SAMSN1: variants seen among roughly 807,000 people sequenced by gnomAD.
The protein encoded by SAMSN1 is SAM domain, SH3 domain and nuclear localization signals 1.
SAMSN1 carries 31 observed loss-of-function variants against 42.0 expected under a neutral mutation model. That is an observed-to-expected ratio of 0.74 (90% confidence interval 0.55 to 1.00). SAMSN1 has a LOEUF of 1.00. Among genes scored for constraint, SAMSN1 ranks in the 50% least tolerant of loss-of-function variants. The pLI, the probability that SAMSN1 is intolerant of heterozygous loss-of-function variation, is 0.00. For missense variants in SAMSN1, 464 were observed against 439.4 expected, an observed-to-expected ratio of 1.06 and a Z score of -0.50; for synonymous variants, 178 against 151.9, an observed-to-expected ratio of 1.17 and a Z score of -1.26.
chr21:14,589,788 C>A (rs1170692260), intron 7 of SAMSN1, among the ~76,000 whole-genome samples: 1 of 152,032 alleles, frequency 6.6e-6, no homozygotes, highest in African/African-American at 2.4e-5. Flanking sequence ...CAAAACAAAG[C>A]AGAAAACCCT....
intron 2 of SAMSN1, among the ~76,000 whole-genome samples, chr21:14,639,677 A>C (rs1983547737): frequency 6.6e-6 from 1 of 152,160 alleles, no homozygotes; most frequent in African/African-American, 2.4e-5. Context: ...ACTAAAATAG[A>C]TACAGAATCA....
intron 1 of SAMSN1, among the ~76,000 whole-genome samples, chr21:14,537,206 A>G (rs538221614): frequency 6.6e-6 from 1 of 152,160 alleles, no homozygotes; most frequent in African/African-American, 2.4e-5. Flanking sequence ...CACACCAGAG[A>G]CAGTCCCATT....
At chr21:14,555,809 C>A (rs1382690812) in intron 2 of SAMSN1, among the ~76,000 whole-genome samples, 1 of 152,134 alleles carries the variant, frequency 6.6e-6, no homozygotes, top group African/African-American at 2.4e-5. Flanking sequence ...CCTCATTTGG[C>A]AGAAAGGCAA....
At chr21:14,650,409 A>G (rs926248593) in intron 1 of SAMSN1, among the ~76,000 whole-genome samples, 2 of 152,200 alleles carry the variant, frequency 1.3e-5, no homozygotes, top group African/African-American at 4.8e-5. Context: ...CAACATGGAA[A>G]TTAAACAATA....
intron 1 of SAMSN1, among the ~76,000 whole-genome samples, chr21:14,538,071 T>A (rs1282171097): frequency 6.6e-6 from 1 of 152,246 alleles, no homozygotes; most frequent in Non-Finnish European, 1.5e-5. Flanking sequence ...ATGCTATAAA[T>A]GCTACATAAA....
At position 14,570,391 on chromosome 21, in the gene SAMSN1, A is replaced by G. The variant is rs192715250; in HGVS notation, c.261+11745T>C. ...TTTGTAGAAACAATGGCCTATGTCC[A>G]AGTGGAATCAGGGGAGGCAAATGGA... On this transcript the variant is annotated intron_variant, in intron 2 of 8. Coordinates refer to the SAMSN1 transcript ENST00000285670. Among the ~76,000 whole-genome samples, 230 of 152,306 alleles carry G rather than the reference A, an allele frequency of 1.5e-3. 2 individuals are homozygous for G. Among genetic ancestry groups the G allele is most frequent in the Non-Finnish European group, 1.6e-4 (11 of 68,020 alleles).
rs1333935160 is a variant in SAMSN1 at position 14,512,312 on chromosome 21, A to C, written c.409+132T>G. ...AACAATAGCAACTCTATATAGATTTAATATATCTTACATTTTTACCATTTC... is the reference window on the plus strand; with the variant it reads ...AACAATAGCAACTCTATATAGATTTCATATATCTTACATTTTTACCATTTC... On this transcript the variant is annotated intron_variant, in intron 4 of 7. Coordinates refer to ENST00000400566, the MANE Select transcript of SAMSN1 (RefSeq NM_022136.5). 3 of 890,746 alleles carry C rather than the reference A, an allele frequency of 3.4e-6. No homozygotes were observed. The African/African-American group carries it at 5.0e-5, about 15-fold the overall frequency. 55.2% of individuals were successfully genotyped at this position (890,746 alleles called of 1,614,324 possible).
At chr21:14,612,616 G>A (rs1391192217) in intron 4 of SAMSN1, 2 of 544,428 alleles carry the variant, frequency 3.7e-6, no homozygotes, top group South Asian at 3.1e-5. Context: ...TGGAAGATGA[G>A]CAGCCAATGA....
intron 7 of SAMSN1, among the ~76,000 whole-genome samples, chr21:14,497,187 A>G (rs1245802644): frequency 6.6e-6 from 1 of 152,250 alleles, no homozygotes; most frequent in Non-Finnish European, 1.5e-5. Context: ...TGAGGGCGGT[A>G]GTGTCTAACT....
chr21:14,510,830 GC>G (rs1987659754), intron 4 of SAMSN1, among the ~76,000 whole-genome samples: 1 of 152,124 alleles, frequency 6.6e-6, no homozygotes, highest in Non-Finnish European at 1.5e-5. Flanking sequence ...TGTACCAAAG[GC>G]CATTTTGAGG....
At chr21:14,549,113 T>A (rs1266332636), upstream of SAMSN1, among the ~76,000 whole-genome samples, 9 of 152,140 alleles carry the variant, frequency 5.9e-5, no homozygotes, top group African/African-American at 2.2e-4. Context: ...TTCGGGAAAG[T>A]AAGGTGAGCC....
intron 2 of SAMSN1, among the ~76,000 whole-genome samples, chr21:14,572,718 C>G (rs531599315): frequency 6.6e-6 from 1 of 152,054 alleles, no homozygotes; most frequent in East Asian, 1.9e-4. Flanking sequence ...AGCTGTTAAA[C>G]CCTTACTTTT....
At chr21:14,535,813 C>T (rs1243591922) in intron 1 of SAMSN1, among the ~76,000 whole-genome samples, 2 of 152,148 alleles carry the variant, frequency 1.3e-5, no homozygotes, top group African/African-American at 2.4e-5. Context: ...CTGTGAAACC[C>T]ACCCTGCCAG....
intron 2 of SAMSN1, among the ~76,000 whole-genome samples, chr21:14,556,887 T>C (rs1294520105): frequency 1.6e-4 from 24 of 152,204 alleles, no homozygotes; most frequent in Non-Finnish European, 1.5e-5. Context: ...AAGAAAGATC[T>C]GGTTTTGTCA....
intron 2 of SAMSN1, among the ~76,000 whole-genome samples, chr21:14,569,180 G>A (rs1981210888): frequency 6.6e-6 from 1 of 151,958 alleles, no homozygotes; most frequent in African/African-American, 2.4e-5. Context: ...CTATAGTCCT[G>A]TCTACTTGGG....
At position 14,487,760 on chromosome 21, in the gene SAMSN1, T is replaced by C. The variant is rs189471101; in HGVS notation, c.920-1646A>G. Reference sequence around the variant, plus strand: ...ATGCCATTCTTCTGAATCTTCACATTTGCCCCACAATTTTAACTATAGATT... The same window carrying C: ...ATGCCATTCTTCTGAATCTTCACATCTGCCCCACAATTTTAACTATAGATT... On this transcript the variant is annotated intron_variant, in intron 7 of 7. Coordinates refer to ENST00000400566, the MANE Select transcript of SAMSN1 (RefSeq NM_022136.5). Among the ~76,000 whole-genome samples, 13 of 152,322 alleles carry C rather than the reference T, an allele frequency of 8.5e-5. No homozygotes were observed. The East Asian group carries it at 2.3e-3, about 27-fold the overall frequency.
upstream of SAMSN1, chr21:14,583,546 G>A (rs1395157557): frequency 5.0e-6 from 3 of 603,238 alleles, no homozygotes; most frequent in Non-Finnish European, 6.0e-6. Context: ...AATCCTCAAT[G>A]TTTAATGATT....
Position 14,500,666 on chromosome 21 carries a change from C to A in SAMSN1, c.631G>T (p.Val211Leu), listed in dbSNP as rs1469261896. The change falls in exon 6 of 8, where the codon GTG becomes TTG. Residue 211 changes from valine to leucine, a missense_variant. Coordinates refer to ENST00000400566, the MANE Select transcript of SAMSN1 (RefSeq NM_022136.5). ...GMWTGMLNNK[V>L]GNFKFIYVDV... ...ACATAAATGAATTTGAAGTTTCCCA[C>A]TTTATTGTTCAACATTCCTGTCCAC... 1.2e-6 allele frequency: 2 copies of A among 1,614,004 alleles called. No individual in the cohort carries two copies. Among genetic ancestry groups the A allele is most frequent in the Admixed American group, 1.7e-5 (1 of 59,996 alleles).
upstream of SAMSN1, among the ~76,000 whole-genome samples, chr21:14,546,666 A>AC (rs1980409019): frequency 9.2e-6 from 1 of 108,300 alleles, no homozygotes; most frequent in African/African-American, 3.6e-5. Context: ...GTTTTCTATT[A>AC]TTTAAAAAAA....
Sources: allele counts gnomAD v4.1 joint callset (sites outside exome capture counted in the v4.1 genomes callset), GRCh38; gene constraint gnomAD v4.1.1; transcripts MANE v1.5; gene names NCBI Gene and HGNC (gene_info 2026-07-23, HGNC 2026-07-21).